The following AGAP4 variants were observed in gnomAD, a reference collection of about 807,000 sequenced individuals.
AGAP4 encodes the protein arf-GAP with GTPase, ANK repeat and PH domain-containing protein 4.
Under a neutral mutation model 60.7 loss-of-function variants are expected in AGAP4, and 13 were observed. That is an observed-to-expected ratio of 0.21 (90% CI 0.14 to 0.34). The LOEUF is 0.34. Among genes scored for constraint, AGAP4 ranks in the 10% least tolerant of loss-of-function variants. AGAP4 has a pLI of 1.00. For synonymous variants in AGAP4, 70 were observed against 339.0 expected, an observed-to-expected ratio of 0.21 and a Z score of 8.72; for missense variants, 169 against 884.0, an observed-to-expected ratio of 0.19 and a Z score of 10.26.
intron 3 of AGAP4, among the ~76,000 whole-genome samples, chr10:45,842,933 TG>T (rs536169740): frequency 1.8e-5 from 2 of 108,352 alleles, no homozygotes; most frequent in East Asian, 2.7e-4. Context: ...GTAATGGCAG[TG>T]GATTCCTTAT....
At chr10:45,854,208 T>C (rs2059115034), upstream of AGAP4, 1 of 185,888 alleles carries the variant, frequency 5.4e-6, no homozygotes, top group Non-Finnish European at 1.1e-5. Context: ...ATTCTACTGA[T>C]TTCTGGGTGA....
chr10:45,831,506 G>A (rs1350849441), intron 5 of AGAP4, 77 bp from the exon 6 acceptor site: 4 of 1,274,386 alleles, frequency 3.1e-6, no homozygotes, highest in Non-Finnish European at 4.5e-6. Context: ...AAGGGGGGCA[G>A]AGGAAACTCT....
chr10:45,828,615 C>T (rs1433093691), intron 6 of AGAP4, among the ~76,000 whole-genome samples: 2 of 146,454 alleles, frequency 1.4e-5, no homozygotes, highest in Non-Finnish European at 3.0e-5. Context: ...CAGTGGTTCT[C>T]CAAATGTGCT....
chr10:45,827,782 T>TCAA (rs1306326130), intron 7 of AGAP4, among the ~76,000 whole-genome samples: 2 of 26,542 alleles, frequency 7.5e-5, no homozygotes, highest in African/African-American at 2.3e-4. Flanking sequence ...AGAGAGTCCA[T>TCAA]AAAAAAAAAA....
intron 4 of AGAP4, among the ~76,000 whole-genome samples, chr10:45,841,347 C>T (rs1225057641): frequency 6.7e-6 from 1 of 148,640 alleles, no homozygotes; most frequent in African/African-American, 2.5e-5. Flanking sequence ...GATGATCAGC[C>T]TGCCTCGGCC....
chr10:45,853,595 C>T, intron 1 of AGAP4: 2 of 1,278,394 alleles, frequency 1.6e-6, no homozygotes, highest in Non-Finnish European at 2.0e-6. Context: ...TATCATTCTA[C>T]ACACAGGCAG....
chr10:45,836,229 T>TTTAG (rs2058815721), intron 4 of AGAP4, among the ~76,000 whole-genome samples: 1 of 136,238 alleles, frequency 7.3e-6, no homozygotes, highest in Non-Finnish European at 1.6e-5. Flanking sequence ...AAGTATTTTA[T>TTTAG]TTTAGTTTAG....
intron 6 of AGAP4, among the ~76,000 whole-genome samples, chr10:45,830,728 G>T (rs1366773283): frequency 6.6e-5 from 8 of 120,332 alleles, no homozygotes; most frequent in African/African-American, 9.5e-5. Context: ...CTTGTGATCC[G>T]CCCGCCTCAG....
At position 45,837,016 on chromosome 10, in the gene AGAP4, G is replaced by A. The variant is rs1374060144; in HGVS notation, c.397-2900C>T. 2.6e-4 allele frequency among the ~76,000 whole-genome samples: 38 copies of A among 145,490 alleles called. 1 individual carries two copies. Among genetic ancestry groups the A allele is most frequent in the East Asian group, 1.8e-3 (9 of 4,912 alleles). ...TGAGTAGATGGGATTACAGGTGAGC[G>A]CCACCACACCCGGCTAACTTTTGTA... On this transcript the variant is annotated intron_variant, in intron 4 of 7. Transcript: ENST00000616763.
intron 6 of AGAP4, among the ~76,000 whole-genome samples, chr10:45,830,540 C>T (rs1178364179): frequency 9.5e-6 from 1 of 104,918 alleles, no homozygotes; most frequent in East Asian, 2.7e-4. Flanking sequence ...GGCTGCAGTG[C>T]AATGGCACCA....
intron 1 of AGAP4, among the ~76,000 whole-genome samples, chr10:45,852,513 C>T (rs2059097776): frequency 6.6e-6 from 1 of 151,130 alleles, no homozygotes; most frequent in Non-Finnish European, 1.5e-5. Flanking sequence ...AAATTATATG[C>T]AGTTGCAAAA....
At chr10:45,835,925 C>CT (rs1179332138) in intron 4 of AGAP4, among the ~76,000 whole-genome samples, 2 of 151,898 alleles carry the variant, frequency 1.3e-5, no homozygotes, top group Non-Finnish European at 2.9e-5. Context: ...AACAAACACT[C>CT]TAACGTCAGG....
At chr10:45,834,674 CAAAAAAAAAA>C (rs1174820110) in intron 4 of AGAP4, among the ~76,000 whole-genome samples, 10 of 15,230 alleles carry the variant, frequency 6.6e-4, no homozygotes, top group Non-Finnish European at 7.2e-4. Context: ...GACTCCGCCT[CAAAAAAAAAA>C]AAAAAAAAAA....
upstream of AGAP4, among the ~76,000 whole-genome samples, chr10:45,848,467 T>C (rs1363013234): frequency 6.7e-6 from 1 of 148,814 alleles, no homozygotes; most frequent in African/African-American, 2.5e-5. Flanking sequence ...TCAATAAAGA[T>C]GAATACTCGA....
At position 45,825,881 on chromosome 10, in the gene AGAP4, G is replaced by C; in HGVS notation, c.*34C>G. 2 of 1,315,398 alleles carry C rather than the reference G, an allele frequency of 1.5e-6. 1 individual carries two copies. The highest frequency in any genetic ancestry group is 2.1e-6 in the Non-Finnish European group (2 of 973,738). The allele number at this position is 1,315,398 out of a possible 1,614,324, so 81.5% of individuals were successfully genotyped here. ...TCCTTATTTTTCCCATTTTGTTTTT[G>C]CACCAAGGAGACTGCAGTCAAATAA... On this transcript the variant is annotated 3_prime_UTR_variant, in exon 8 of 8. Coordinates refer to ENST00000616763, the MANE Select transcript of AGAP4 (RefSeq NM_001276343.3).
upstream of AGAP4, among the ~76,000 whole-genome samples, chr10:45,848,565 C>G (rs1443861975): frequency 6.6e-5 from 10 of 151,898 alleles, no homozygotes; most frequent in African/African-American, 2.4e-4. Flanking sequence ...ACAGATTTTG[C>G]AGAAGTTGTT....
chr10:45,838,013 CA>C (rs2058850978), intron 4 of AGAP4, among the ~76,000 whole-genome samples: 1 of 150,804 alleles, frequency 6.6e-6, no homozygotes, highest in Admixed American at 6.6e-5. Flanking sequence ...ATTACAATTA[CA>C]AAAATATGGA....
chr10:45,852,216 T>TA (rs2059092208), upstream of AGAP4, among the ~76,000 whole-genome samples: 4 of 89,868 alleles, frequency 4.5e-5, no homozygotes, highest in African/African-American at 2.2e-4. Flanking sequence ...CGGCCAGACT[T>TA]TAAAAAAAAA....
In AGAP4 at chr10:45,825,930, G is replaced by A. The variant is rs1446827389; in HGVS notation, c.2046C>T (p.Pro682=). The A allele has an allele frequency of 3.1e-6, 4 of 1,306,566 alleles. No homozygotes were observed. Among genetic ancestry groups the A allele is most frequent in the Non-Finnish European group, 4.1e-6 (4 of 969,062 alleles). The allele number at this position is 1,306,566 out of a possible 1,614,324, so 80.9% of individuals were successfully genotyped here. ...AAAACAGATACTACACACACTTGTC[G>A]GGGCAGCCGTACTGCAGAAGCACGT... The part of the protein sequence containing the change: ...CINVLLQYGC[P]DKCV The change falls in exon 8 of 8, where the codon CCC becomes CCT. Residue 682 remains proline, a synonymous_variant. Coordinates refer to ENST00000616763, the MANE Select transcript of AGAP4 (RefSeq NM_001276343.3).
Sources: allele counts gnomAD v4.1 joint callset (sites outside exome capture counted in the v4.1 genomes callset), GRCh38; gene constraint gnomAD v4.1.1; transcripts MANE v1.5; gene names NCBI Gene and HGNC (gene_info 2026-07-23, HGNC 2026-07-21).